The following VAV3 variants were observed in gnomAD, a reference collection of about 807,000 sequenced individuals.
VAV3 encodes vav guanine nucleotide exchange factor 3.
A neutral mutation model predicts 131.2 loss-of-function variants in VAV3; 94 were observed. The observed-to-expected ratio is 0.72, with a 90% CI of 0.61 to 0.85. The LOEUF (loss-of-function observed/expected upper bound fraction) is 0.85. Ranked by LOEUF, VAV3 falls within the 40% of genes least tolerant of loss-of-function variation. The pLI is 0.00. For synonymous variants in VAV3, 349 were observed against 342.0 expected, an observed-to-expected ratio of 1.02 and a Z score of -0.22; for missense variants, 939 against 1,002.7, an observed-to-expected ratio of 0.94 and a Z score of 0.86.
chr1:107,885,454 A>T (rs1436401946), intron 1 of VAV3, among the ~76,000 whole-genome samples: 1 of 152,162 alleles, frequency 6.6e-6, no homozygotes, highest in African/African-American at 2.4e-5. Flanking sequence ...AGAAAAATAC[A>T]GTCAAAAAAC....
At chr1:107,714,889 A>G (rs1661001862) in intron 15 of VAV3, among the ~76,000 whole-genome samples, 2 of 152,122 alleles carry the variant, frequency 1.3e-5, no homozygotes, top group African/African-American at 4.8e-5. Flanking sequence ...ACTATATATT[A>G]CACTTCTTTA....
chr1:107,888,729 G>A (rs1459037643), intron 1 of VAV3, among the ~76,000 whole-genome samples: 1 of 152,078 alleles, frequency 6.6e-6, no homozygotes, highest in Non-Finnish European at 1.5e-5. Flanking sequence ...AAAGTGCTGG[G>A]ATTACAGATA....
chr1:107,861,195 A>G (rs1487345851), intron 2 of VAV3, among the ~76,000 whole-genome samples: 4 of 151,740 alleles, frequency 2.6e-5, no homozygotes, highest in Non-Finnish European at 5.9e-5. Context: ...TTGATTGCTT[A>G]TCTTTCTACA....
intron 2 of VAV3, among the ~76,000 whole-genome samples, chr1:107,835,282 G>A (rs1668422807): frequency 1.3e-5 from 2 of 152,160 alleles, no homozygotes; most frequent in Non-Finnish European, 2.9e-5. Context: ...CTTTCCTGGA[G>A]GCCTAGGAGC....
rs1212072836 is a variant in VAV3, at chr1:107,704,963, A to G, written c.1601T>C (p.Leu534Pro). The change falls in exon 16 of 27, where the codon CTG (leucine) becomes CCG (proline). Residue 534 changes from leucine to proline, a missense_variant. Leu to Pro is a moderately conservative substitution (Grantham distance 98, BLOSUM62 -3). Coordinates refer to ENST00000370056, the MANE Select transcript of VAV3 (RefSeq NM_006113.5). ...VTSCKVCQML[L>P]RGTFYQGYLC... ...AACCAGGACTGAGCAGGCTTACCTC[A>G]GGAGCATCTGGCAGACTTTGCAGGA... The G allele has an allele frequency of 3.7e-6, 6 of 1,613,548 alleles. No homozygotes were observed. Among genetic ancestry groups the G allele is most frequent in the Non-Finnish European group, 5.1e-6 (6 of 1,179,626 alleles).
intron 1 of VAV3, among the ~76,000 whole-genome samples, chr1:107,910,894 C>T (rs777191609): frequency 1.3e-5 from 2 of 151,926 alleles, no homozygotes; most frequent in Non-Finnish European, 2.9e-5. Context: ...ATGGGAGAAC[C>T]GCTTAAACCT....
intron 1 of VAV3, among the ~76,000 whole-genome samples, chr1:107,958,143 CAA>C (rs1208612038): frequency 6.6e-6 from 1 of 152,130 alleles, no homozygotes; most frequent in African/African-American, 2.4e-5. Flanking sequence ...TAACAAATGG[CAA>C]AGAGGTTAAT....
chr1:107,915,537 C>T (rs892759380), intron 1 of VAV3, among the ~76,000 whole-genome samples: 2 of 152,090 alleles, frequency 1.3e-5, no homozygotes, highest in African/African-American at 2.4e-5. Flanking sequence ...CCTCGATGTC[C>T]TCATCTATAG....
At chr1:107,768,924 T>C (rs1664886971) in intron 6 of VAV3, among the ~76,000 whole-genome samples, 1 of 152,192 alleles carries the variant, frequency 6.6e-6, no homozygotes, top group Non-Finnish European at 1.5e-5. Context: ...AATTATTCCT[T>C]GAGAATTTTA....
chr1:107,751,681 G>A (rs1231647064), intron 12 of VAV3, among the ~76,000 whole-genome samples: 6 of 149,440 alleles, frequency 4.0e-5, no homozygotes, highest in Admixed American at 1.3e-4. Context: ...GGGCGGGGGG[G>A]CGCGCGCTAA....
chr1:107,744,870 C>G (rs1052501394), intron 15 of VAV3, among the ~76,000 whole-genome samples: 1 of 152,150 alleles, frequency 6.6e-6, no homozygotes, highest in Non-Finnish European at 1.5e-5. Flanking sequence ...AACTGAGATC[C>G]TCAACTGTAC....
At chr1:107,616,007 G>GT in intron 21 of VAV3, among the ~76,000 whole-genome samples, 1 of 152,316 alleles carries the variant, frequency 6.6e-6, no homozygotes. Flanking sequence ...TGGTGGGAAT[G>GT]TAAAGTAATT....
At chr1:107,893,114 A>G (rs995906527) in intron 1 of VAV3, among the ~76,000 whole-genome samples, 1 of 152,214 alleles carries the variant, frequency 6.6e-6, no homozygotes, top group Non-Finnish European at 1.5e-5. Context: ...CAAAAATAAT[A>G]ATCCTCAGTG....
intron 19 of VAV3, among the ~76,000 whole-genome samples, chr1:107,676,632 G>A (rs1199214531): frequency 6.6e-6 from 1 of 152,098 alleles, no homozygotes; most frequent in Non-Finnish European, 1.5e-5. Flanking sequence ...GTTTGAAATG[G>A]ATTTTTGTCA....
chr1:107,826,422 T>C (rs1283975664), intron 2 of VAV3, among the ~76,000 whole-genome samples: 1 of 152,224 alleles, frequency 6.6e-6, no homozygotes, highest in Non-Finnish European at 1.5e-5. Context: ...CCCTTCCAAG[T>C]TGAGCTTTAT....
chr1:107,768,475 G>A lies in VAV3; in HGVS notation c.683C>T (p.Ala228Val), dbSNP rs1664856829. The change falls in exon 7 of 27, where the codon GCA (alanine) becomes GTA (valine). Residue 228 changes from alanine to valine, a missense_variant. Transcript: ENST00000370056. ...FMAPLKRFLT[A>V]AEFDSVFINI... ...GATGAATACTGAATCAAATTCTGCT[G>A]CTGTCAGAAATCTTTTTAGTGGTGC... 1.2e-6 allele frequency: 2 copies of A among 1,612,564 alleles called. No individual in the cohort carries two copies. Among genetic ancestry groups the A allele is most frequent in the African/African-American group, 1.3e-5 (1 of 75,008 alleles).
chr1:107,876,000 G>T (rs1179007359), intron 1 of VAV3, among the ~76,000 whole-genome samples: 1 of 152,106 alleles, frequency 6.6e-6, no homozygotes, highest in East Asian at 1.9e-4. Flanking sequence ...AATGACTGTG[G>T]AATAGAGCAA....
chr1:107,634,916 C>G (rs533238907), intron 20 of VAV3, among the ~76,000 whole-genome samples: 3 of 151,708 alleles, frequency 2.0e-5, no homozygotes, highest in African/African-American at 7.3e-5. Context: ...AAAACCACAA[C>G]GAGATACCAT....
intron 21 of VAV3, among the ~76,000 whole-genome samples, chr1:107,615,984 G>T (rs1653123920): frequency 6.6e-6 from 1 of 152,148 alleles, no homozygotes; most frequent in African/African-American, 2.4e-5. Flanking sequence ...AAAAGGGAAT[G>T]CTTATACACT....
Sources: gnomAD v4.1 joint callset for allele counts (sites outside exome capture counted in the v4.1 genomes callset) on GRCh38, gnomAD v4.1.1 for gene constraint, MANE v1.5 for transcripts, NCBI Gene and HGNC (gene_info 2026-07-23, HGNC 2026-07-21) for gene names.